Variants in PCDH9 observed in about 807,000 individuals in gnomAD.
PCDH9 encodes protocadherin-9.
A neutral mutation model predicts 70.6 loss-of-function variants in PCDH9; 24 were observed. That is an observed-to-expected ratio of 0.34 (90% confidence interval 0.25 to 0.48). The LOEUF is 0.48. PCDH9 is among the 20% of genes least tolerant of loss of function. PCDH9 has a pLI of 0.99. For missense variants in PCDH9, 1,281 were observed against 1,503.6 expected (o/e 0.85, Z 2.45); for synonymous variants, 562 against 558.5 (o/e 1.01, Z -0.09).
At chr13:66,753,728 C>T (rs552388253) in intron 3 of PCDH9, among the ~76,000 whole-genome samples, 28 of 152,182 alleles carry the variant, frequency 1.8e-4, no homozygotes, top group African/African-American at 5.5e-4. Context: ...CGTTTCAGTG[C>T]GTTGATCCAA....
At chr13:66,425,459 C>G (rs2138360770) in intron 4 of PCDH9, among the ~76,000 whole-genome samples, 1 of 151,354 alleles carries the variant, frequency 6.6e-6, no homozygotes, top group Non-Finnish European at 1.5e-5. Context: ...GTAGGTATAT[C>G]TTTAAGTATT....
chr13:67,124,314 G>T (rs1468823511), intron 2 of PCDH9, among the ~76,000 whole-genome samples: 4 of 152,118 alleles, frequency 2.6e-5, no homozygotes, highest in Admixed American at 2.6e-4. Flanking sequence ...AATTATTAGT[G>T]AGAGTATATT....
At chr13:66,991,711 G>T (rs557598689) in intron 2 of PCDH9, among the ~76,000 whole-genome samples, 1 of 151,876 alleles carries the variant, frequency 6.6e-6, no homozygotes, top group Admixed American at 6.6e-5. Flanking sequence ...AACAGAATCC[G>T]AAACAAAATG....
At chr13:66,310,597 G>A (rs1955544723) in intron 4 of PCDH9, among the ~76,000 whole-genome samples, 1 of 151,846 alleles carries the variant, frequency 6.6e-6, no homozygotes, top group Non-Finnish European at 1.5e-5. Context: ...GCTAGAAACT[G>A]GCATTTCTTT....
intron 4 of PCDH9, among the ~76,000 whole-genome samples, chr13:66,614,005 G>A (rs2077325762): frequency 6.6e-6 from 1 of 152,136 alleles, no homozygotes; most frequent in Non-Finnish European, 1.5e-5. Context: ...AAGGCCGGGA[G>A]ACATGTGGAA....
intron 4 of PCDH9, among the ~76,000 whole-genome samples, chr13:66,483,953 AC>A (rs1029247915): frequency 1.3e-5 from 2 of 151,816 alleles, no homozygotes; most frequent in African/African-American, 4.8e-5. Context: ...CGAGGGGAGC[AC>A]CCCCACATGC....
chr13:66,483,054 G>A (rs1213850530), intron 4 of PCDH9, among the ~76,000 whole-genome samples: 2 of 152,110 alleles, frequency 1.3e-5, no homozygotes, highest in South Asian at 2.1e-4. Flanking sequence ...TGGGAAGAAC[G>A]TATACCATAT....
intron 2 of PCDH9, among the ~76,000 whole-genome samples, chr13:67,087,256 C>T (rs1325818739): frequency 6.6e-6 from 1 of 151,898 alleles, no homozygotes; most frequent in African/African-American, 2.4e-5. Context: ...CTTAACTGTT[C>T]CCTCAAGAAG....
chr13:66,874,874 G>T (rs2081769771), intron 3 of PCDH9, among the ~76,000 whole-genome samples: 1 of 151,394 alleles, frequency 6.6e-6, no homozygotes, highest in Non-Finnish European at 1.5e-5. Flanking sequence ...GAGTTTTTGA[G>T]GTAAGGAGGC....
intron 3 of PCDH9, among the ~76,000 whole-genome samples, chr13:66,883,972 G>A (rs149101304): frequency 0.035 from 4,992 of 142,166 alleles, 279 homozygotes; most frequent in African/African-American, 0.12. Context: ...GCACGATCTT[G>A]GCTCACTGAA....
intron 3 of PCDH9, among the ~76,000 whole-genome samples, chr13:66,857,269 T>C (rs917678123): frequency 2.0e-5 from 3 of 152,120 alleles, no homozygotes; most frequent in Non-Finnish European, 4.4e-5. Context: ...AAATCCATAA[T>C]GTATGTTTCA....
chr13:66,592,174 A>G (rs560175482), intron 4 of PCDH9, among the ~76,000 whole-genome samples: 2 of 151,818 alleles, frequency 1.3e-5, no homozygotes, highest in East Asian at 3.9e-4. Context: ...TCATTAAGAA[A>G]AGGCAAGGTT....
intron 2 of PCDH9, among the ~76,000 whole-genome samples, chr13:67,039,798 A>G (rs1410042711): frequency 6.6e-6 from 1 of 152,162 alleles, no homozygotes; most frequent in African/African-American, 2.4e-5. Flanking sequence ...CCGACTTTGT[A>G]GCGAAGTTGA....
At chr13:66,797,060 T>A (rs1029878710) in intron 3 of PCDH9, among the ~76,000 whole-genome samples, 2 of 152,050 alleles carry the variant, frequency 1.3e-5, no homozygotes, top group African/African-American at 4.8e-5. Context: ...TAGGTTGAGA[T>A]AAGGAGAAAG....
At chr13:66,735,206 C>T (rs1463399843) in intron 3 of PCDH9, among the ~76,000 whole-genome samples, 1 of 152,140 alleles carries the variant, frequency 6.6e-6, no homozygotes, top group Non-Finnish European at 1.5e-5. Context: ...CCACATATTC[C>T]ACTACCTTCC....
intron 4 of PCDH9, among the ~76,000 whole-genome samples, chr13:66,617,967 G>T (rs1015168511): frequency 6.6e-6 from 1 of 152,162 alleles, no homozygotes; most frequent in African/African-American, 2.4e-5. Context: ...GTGGGAGGGG[G>T]TCCCTGGGGA....
chr13:66,320,648 G>T (rs1419269873), intron 4 of PCDH9, among the ~76,000 whole-genome samples: 1 of 151,990 alleles, frequency 6.6e-6, no homozygotes, highest in Non-Finnish European at 1.5e-5. Flanking sequence ...TCATGGCCAT[G>T]TTATAACTAA....
intron 2 of PCDH9, among the ~76,000 whole-genome samples, chr13:66,982,100 G>T (rs1279924359): frequency 6.6e-6 from 1 of 151,992 alleles, no homozygotes; most frequent in Non-Finnish European, 1.5e-5. Context: ...TCCTTTAAAG[G>T]CATGTGGCAC....
intron 3 of PCDH9, among the ~76,000 whole-genome samples, chr13:66,734,856 C>T (rs1473603826): frequency 1.3e-5 from 2 of 151,830 alleles, no homozygotes; most frequent in African/African-American, 4.8e-5. Context: ...GTACTAAAGC[C>T]AAAATTCAAA....
Sources: allele counts gnomAD v4.1 joint callset (sites outside exome capture counted in the v4.1 genomes callset), GRCh38; gene constraint gnomAD v4.1.1; transcripts MANE v1.5; gene names NCBI Gene and HGNC (gene_info 2026-07-23, HGNC 2026-07-21).